The following TRIM59 variants were observed in gnomAD, a reference collection of about 807,000 sequenced individuals.
TRIM59 encodes the protein tripartite motif-containing protein 59.
A neutral mutation model predicts 32.2 loss-of-function variants in TRIM59; 14 were observed. The ratio of observed to expected loss-of-function variants is 0.43; its 90% CI spans 0.29 to 0.68. The LOEUF (loss-of-function observed/expected upper bound fraction) is 0.68. TRIM59 is among the 30% of genes least tolerant of loss of function. TRIM59 has a pLI of 0.15. For missense variants in TRIM59, 471 were observed against 463.3 expected, an observed-to-expected ratio of 1.02 and a Z score of -0.15; for synonymous variants, 163 against 155.1, an observed-to-expected ratio of 1.05 and a Z score of -0.38.
At position 160,449,781 on chromosome 3, in the gene TRIM59, G is replaced by C; in HGVS notation, c.-138C>G. The C allele has an allele frequency of 1.6e-6, 2 of 1,259,216 alleles. No homozygotes were observed. Among genetic ancestry groups the C allele is most frequent in the Non-Finnish European group, 2.1e-6 (2 of 961,038 alleles). 78.0% of individuals were successfully genotyped at this position (1,259,216 alleles called of 1,614,324 possible). On this transcript the variant is annotated 5_prime_UTR_variant, in exon 1 of 3. It adds an upstream start codon to the 5' untranslated region. Transcript: ENST00000309784. ...AACACAGCGCCACGAGCTCCAGGCGGATGCTGAGAGCCGCCCCGAGTCCCC... is the reference window on the plus strand; with the variant it reads ...AACACAGCGCCACGAGCTCCAGGCGCATGCTGAGAGCCGCCCCGAGTCCCC...
Position 160,437,766 on chromosome 3 carries a change from T to C in TRIM59, c.*206A>G. 8.1e-7 allele frequency: 1 copy of C among 1,228,874 alleles called. No individual in the cohort carries two copies. Among genetic ancestry groups the C allele is most frequent in the Non-Finnish European group, 1.0e-6 (1 of 986,372 alleles). The allele number at this position is 1,228,874 out of a possible 1,614,324, so 76.1% of individuals were successfully genotyped here. On this transcript the variant is annotated 3_prime_UTR_variant, in exon 3 of 3. Transcript: ENST00000309784. ...GGATAGTGTATTACTTTTCAAATTG[T>C]TACTAGATTCTGTTTCCCAAAGATT...
At position 160,438,274 on chromosome 3, in the gene TRIM59, T is replaced by G; in HGVS notation, c.910A>C (p.Lys304Gln). 1.2e-6 allele frequency: 2 copies of G among 1,613,844 alleles called. No homozygotes were observed. The highest frequency in any genetic ancestry group is 2.2e-5 in the East Asian group (1 of 44,870). The change falls in exon 3 of 3, where the codon AAA becomes CAA. Residue 304 changes from lysine to glutamine, a missense_variant. Lys to Gln is a moderately conservative substitution (Grantham distance 53). Coordinates refer to ENST00000309784, the MANE Select transcript of TRIM59 (RefSeq NM_173084.3). ...ATCCTTTTTGGAGAAATTTTCATTT[T>G]GGGAATGAGAACGTTCTTAATTTGT... Reference protein sequence around the residue: ...IGQIKNVLIPKMKISPKRMSC... With the variant: ...IGQIKNVLIPQMKISPKRMSC...
intron 2 of TRIM59, among the ~76,000 whole-genome samples, chr3:160,447,031 C>A (rs1008449248): frequency 2.0e-5 from 3 of 149,242 alleles, no homozygotes; most frequent in Non-Finnish European, 3.0e-5. Context: ...AAAAAGTTAA[C>A]GGAGATAGTT....
intron 2 of TRIM59, among the ~76,000 whole-genome samples, chr3:160,442,569 A>G (rs891298120): frequency 2.0e-5 from 3 of 152,094 alleles, no homozygotes; most frequent in Non-Finnish European, 2.9e-5. Flanking sequence ...AAAAAAAAAA[A>G]ATAGGAAGCA....
At position 160,437,127 on chromosome 3, in the gene TRIM59, A is replaced by AG; in HGVS notation, c.*844dup. 1.1e-6 allele frequency: 1 copy of AG among 914,160 alleles called. No homozygotes were observed. Among genetic ancestry groups the AG allele is most frequent in the Non-Finnish European group, 1.3e-6 (1 of 765,016 alleles). The allele number at this position is 914,160 out of a possible 1,614,324, so 56.6% of individuals were successfully genotyped here. A position where few individuals can be genotyped will look rare whatever the true frequency, so the allele number is the denominator to read the frequency against. On this transcript the variant is annotated 3_prime_UTR_variant, in exon 3 of 3. Coordinates refer to ENST00000309784, the MANE Select transcript of TRIM59 (RefSeq NM_173084.3). ...AGCACTTTGGGAGGCCAAGGTGGGC[A>AG]GATCTCTTGAGCCCAGAAGTTTGAG...
rs138155996 is a variant in TRIM59, at chr3:160,446,713, C to T, written c.-4+2013G>A. On this transcript the variant is annotated intron_variant, in intron 2 of 2. Coordinates refer to ENST00000309784, the MANE Select transcript of TRIM59 (RefSeq NM_173084.3). ...CCACCCTGCGCCCCCACCATGGTGG[C>T]GGGCAAGCCCACCTGAGCTCCGCCT... 2.1e-3 allele frequency among the ~76,000 whole-genome samples: 319 copies of T among 152,264 alleles called. 1 individual carries two copies. The highest frequency in any genetic ancestry group is 7.1e-3 in the African/African-American group (297 of 41,558).
At position 160,436,192 on chromosome 3, in the gene TRIM59, TATTCTC is replaced by T. The variant is rs560042511; in HGVS notation, c.*1774_*1779del. The T allele has an allele frequency of 1.0e-3, 1,017 of 1,008,002 alleles. 9 individuals are homozygous for T. The African/African-American group carries it at 0.016, about 16-fold the overall frequency. The allele number at this position is 1,008,002 out of a possible 1,614,324, so 62.4% of individuals were successfully genotyped here. ...ATACAGTCATCTTAGTGTTAAGACT[TATTCTC>T]AGCAGGTAAGAGTTTTAGAACTAGT... On this transcript the variant is annotated 3_prime_UTR_variant, in exon 3 of 3. Coordinates refer to ENST00000309784, the MANE Select transcript of TRIM59 (RefSeq NM_173084.3).
At chr3:160,439,827 A>G (rs1269358653) in intron 2 of TRIM59, among the ~76,000 whole-genome samples, 1 of 152,202 alleles carries the variant, frequency 6.6e-6, no homozygotes, top group Non-Finnish European at 1.5e-5. Flanking sequence ...AGACTAATAC[A>G]CTACATAATA....
chr3:160,437,465 G>A lies in TRIM59; in HGVS notation c.*507C>T, dbSNP rs368318901. The A allele has an allele frequency of 3.0e-6, 3 of 984,826 alleles. No individual in the cohort carries two copies. Among genetic ancestry groups the A allele is most frequent in the East Asian group, 1.1e-4 (1 of 8,820 alleles). 61.0% of individuals were successfully genotyped at this position (984,826 alleles called of 1,614,324 possible). ...GGCTCTTAAATCTATCTCAAACACA[G>A]GTATGTTTGATCAAAAGATCTTTAA... On this transcript the variant is annotated 3_prime_UTR_variant, in exon 3 of 3. Coordinates refer to ENST00000309784, the MANE Select transcript of TRIM59 (RefSeq NM_173084.3).
chr3:160,445,308 C>G (rs1719466251), intron 2 of TRIM59, among the ~76,000 whole-genome samples: 1 of 151,970 alleles, frequency 6.6e-6, no homozygotes, highest in South Asian at 2.1e-4. Flanking sequence ...CCCAGCTACT[C>G]AGGAGGCTGA....
rs139309626 is a variant in TRIM59, at chr3:160,441,155, C to T, written c.-3-1969G>A. On this transcript the variant is annotated intron_variant, in intron 2 of 2. Coordinates refer to ENST00000309784, the MANE Select transcript of TRIM59 (RefSeq NM_173084.3). ...TAGGTCCCCTGTTATTCTCATTAAA[C>T]ACTGCATTTTTACTTCATAGCACTT... 2.4e-3 allele frequency among the ~76,000 whole-genome samples: 359 copies of T among 152,304 alleles called. 4 individuals are homozygous for T. The highest frequency in any genetic ancestry group is 8.0e-3 in the African/African-American group (332 of 41,558).
In TRIM59 at chr3:160,436,855, T is replaced by G; in HGVS notation, c.*1117A>C. 4 of 946,896 alleles carry G rather than the reference T, an allele frequency of 4.2e-6. No individual in the cohort carries two copies. Among genetic ancestry groups the G allele is most frequent in the Non-Finnish European group, 5.0e-6 (4 of 797,594 alleles). 58.7% of individuals were successfully genotyped at this position (946,896 alleles called of 1,614,324 possible). ...AAGTTGTTGGTACTTTTGCATTAGC[T>G]TAAGGGAATGTGGTAGAAAATTTAA... On this transcript the variant is annotated 3_prime_UTR_variant, in exon 3 of 3. Transcript: ENST00000309784.
At chr3:160,449,643 C>G (rs1397343785) in intron 1 of TRIM59, 74 bp downstream of exon 1, 1 of 1,289,690 alleles carries the variant, frequency 7.8e-7, no homozygotes, top group Non-Finnish European at 1.0e-6. Flanking sequence ...ACTAGGCACA[C>G]CAGACTGTGC....
chr3:160,436,127 G>A lies in TRIM59; in HGVS notation c.*1845C>T. The stretch of plus-strand genomic sequence containing the variant: ...TTCTTTGCCCACACAATAGTTAATT[G>A]TGCTAGGTATAAGTCTGATTCTAAT... On this transcript the variant is annotated 3_prime_UTR_variant, in exon 3 of 3. Coordinates refer to ENST00000309784, the MANE Select transcript of TRIM59 (RefSeq NM_173084.3). 2 of 1,087,168 alleles carry A rather than the reference G, an allele frequency of 1.8e-6. No homozygotes were observed. Among genetic ancestry groups the A allele is most frequent in the Non-Finnish European group, 2.3e-6 (2 of 887,574 alleles). The allele number at this position is 1,087,168 out of a possible 1,614,324, so 67.3% of individuals were successfully genotyped here. A position where few individuals can be genotyped will look rare whatever the true frequency, so the allele number is the denominator to read the frequency against.
At chr3:160,439,812 A>G (rs1719148328) in intron 2 of TRIM59, among the ~76,000 whole-genome samples, 4 of 152,226 alleles carry the variant, frequency 2.6e-5, no homozygotes, top group African/African-American at 4.8e-5. Context: ...CAGCAGCATG[A>G]AAACAGACTA....
In TRIM59 at chr3:160,438,607, TA is replaced by T. The variant is rs1369364677; in HGVS notation, c.576del (p.Asn193MetfsTer4). 1 of 1,612,126 alleles carries T rather than the reference TA, an allele frequency of 6.2e-7. No homozygotes were observed. The highest frequency in any genetic ancestry group is 8.5e-7 in the Non-Finnish European group (1 of 1,179,584). ...TTTTTTTTCTGTTCTAATGTATCAT[TA>T]AGCTCCTTAAAATACTGGAGAACAG... ...KEAVLQYFKE[L>X]NDTLEQKKKS... On this transcript the variant is annotated frameshift_variant, in exon 3 of 3. Coordinates refer to ENST00000309784, the MANE Select transcript of TRIM59 (RefSeq NM_173084.3). LOFTEE classifies it high-confidence loss of function.
chr3:160,441,462 A>G (rs1037017695), intron 2 of TRIM59, among the ~76,000 whole-genome samples: 22 of 151,988 alleles, frequency 1.4e-4, no homozygotes, highest in African/African-American at 5.1e-4. Flanking sequence ...ATCAGAAAAT[A>G]CTCCATTCAG....
chr3:160,438,005 CA>C lies in TRIM59; in HGVS notation c.1178del (p.Leu393Ter). ...KNILCHIFYL[L>X]KEFVWKIVSH ...AAACTATTTTCCACACAAATTCCTTCAACAAATAGAAAATGTGACACAGTAT... is the reference window on the plus strand; with the variant it reads ...AAACTATTTTCCACACAAATTCCTTCACAAATAGAAAATGTGACACAGTAT... On this transcript the variant is annotated frameshift_variant, in exon 3 of 3. Coordinates refer to ENST00000309784, the MANE Select transcript of TRIM59 (RefSeq NM_173084.3). LOFTEE classifies it high-confidence loss of function. The C allele has an allele frequency of 6.4e-7, 1 of 1,557,580 alleles. No individual in the cohort carries two copies. The highest frequency in any genetic ancestry group is 8.6e-7 in the Non-Finnish European group (1 of 1,158,278).
rs1719047831 is a variant in TRIM59, at chr3:160,437,641, T to C, written c.*331A>G. 3.0e-6 allele frequency: 3 copies of C among 1,000,488 alleles called. No individual in the cohort carries two copies. Among genetic ancestry groups the C allele is most frequent in the Non-Finnish European group, 3.6e-6 (3 of 839,504 alleles). The allele number at this position is 1,000,488 out of a possible 1,614,324, so 62.0% of individuals were successfully genotyped here. A position where few individuals can be genotyped will look rare whatever the true frequency, so the allele number is the denominator to read the frequency against. On this transcript the variant is annotated 3_prime_UTR_variant, in exon 3 of 3. Coordinates refer to ENST00000309784, the MANE Select transcript of TRIM59 (RefSeq NM_173084.3). ...TATATATAAAGAACTGTAAAGCCAATTAACTGCAGTATATAATAATGGTAA... is the reference window on the plus strand; with the variant it reads ...TATATATAAAGAACTGTAAAGCCAACTAACTGCAGTATATAATAATGGTAA...
Sources: allele counts gnomAD v4.1 joint callset (sites outside exome capture counted in the v4.1 genomes callset), GRCh38; gene constraint gnomAD v4.1.1; transcripts MANE v1.5; gene names NCBI Gene and HGNC (gene_info 2026-07-23, HGNC 2026-07-21).